The following CDYL2 variants were observed in gnomAD, a reference collection of about 807,000 sequenced individuals.
CDYL2 encodes chromodomain Y like 2, also known as chromodomain Y-like protein 2.
Under a neutral mutation model 49.4 loss-of-function variants are expected in CDYL2, and 23 were observed. That is an observed-to-expected ratio of 0.47 (90% confidence interval 0.34 to 0.66). The LOEUF (loss-of-function observed/expected upper bound fraction) is 0.66, where lower values mean the gene tolerates loss of function less well. Ranked by LOEUF, CDYL2 falls within the 30% of genes least tolerant of loss-of-function variation. The pLI is 0.01. For synonymous variants in CDYL2, 360 were observed against 268.8 expected, an observed-to-expected ratio of 1.34 and a Z score of -3.32; for missense variants, 678 against 656.4, an observed-to-expected ratio of 1.03 and a Z score of -0.36.
intron 3 of CDYL2, 135 bp downstream of exon 3, chr16:80,632,884 C>T (rs1367729471): frequency 6.3e-5 from 48 of 760,140 alleles, no homozygotes; most frequent in Non-Finnish European, 8.9e-5. Flanking sequence ...AAATTGCGCG[C>T]TGCAGTCAAG....
chr16:80,700,224 T>G (rs529806089), intron 1 of CDYL2, among the ~76,000 whole-genome samples: 1 of 152,246 alleles, frequency 6.6e-6, no homozygotes, highest in East Asian at 1.9e-4. Flanking sequence ...CCAGATAAAT[T>G]AGAAAGTTAA....
At chr16:80,626,254 G>C (rs1180721873) in intron 3 of CDYL2, among the ~76,000 whole-genome samples, 10 of 143,216 alleles carry the variant, frequency 7.0e-5, no homozygotes, top group Non-Finnish European at 3.0e-5. Context: ...TCCAACCTCG[G>C]TGACAGAATG....
At chr16:80,763,344 C>T (rs138022543) in intron 1 of CDYL2, among the ~76,000 whole-genome samples, 959 of 148,028 alleles carry the variant, frequency 6.5e-3, no homozygotes, top group Middle Eastern at 0.018. Context: ...GGTGAGGTGG[C>T]TCACACCTGT....
intron 1 of CDYL2, among the ~76,000 whole-genome samples, chr16:80,748,740 C>A (rs1048717565): frequency 7.9e-5 from 12 of 152,032 alleles, no homozygotes; most frequent in African/African-American, 2.7e-4. Flanking sequence ...CCACCAACAA[C>A]AACCTCATCC....
At chr16:80,683,509 T>A (rs541738632) in intron 2 of CDYL2, among the ~76,000 whole-genome samples, 1 of 152,172 alleles carries the variant, frequency 6.6e-6, no homozygotes. Flanking sequence ...AAGGAGGAAT[T>A]CCATAACCTA....
chr16:80,667,891 A>G (rs1909334320), intron 2 of CDYL2, among the ~76,000 whole-genome samples: 1 of 152,238 alleles, frequency 6.6e-6, no homozygotes, highest in African/African-American at 2.4e-5. Flanking sequence ...AGGCTGGGTC[A>G]TTTGTTCCAG....
rs542210071 is a variant in CDYL2, at chr16:80,734,135, T to C, written c.25-49006A>G. Among the ~76,000 whole-genome samples the C allele has an allele frequency of 2.0e-5, 3 of 152,304 alleles. No homozygotes were observed. The South Asian group carries it at 6.2e-4, about 32-fold the overall frequency. Reference sequence around the variant, plus strand: ...TTGGATGGGCATCTCATATCAGTTATCTTCTGATGGACTATATTAGGGAAT... The same window carrying C: ...TTGGATGGGCATCTCATATCAGTTACCTTCTGATGGACTATATTAGGGAAT... On this transcript the variant is annotated intron_variant, in intron 1 of 6. Transcript: ENST00000570137.
At chr16:80,741,781 C>T (rs1905744227) in intron 1 of CDYL2, among the ~76,000 whole-genome samples, 2 of 152,168 alleles carry the variant, frequency 1.3e-5, no homozygotes, top group Non-Finnish European at 2.9e-5. Context: ...AATCGCCCAG[C>T]ATTGGCAGAT....
chr16:80,608,062 G>C (rs1906422192), intron 6 of CDYL2, 30 bp downstream of exon 6: 1 of 1,540,124 alleles, frequency 6.5e-7, no homozygotes, highest in African/African-American at 1.4e-5. Context: ...CTATCAAAAG[G>C]ACAAGCACGC....
intron 1 of CDYL2, among the ~76,000 whole-genome samples, chr16:80,692,930 T>G (rs1334638410): frequency 6.6e-6 from 1 of 152,164 alleles, no homozygotes; most frequent in Admixed American, 6.5e-5. Context: ...GAAATCTAAG[T>G]ATTTTAACAG....
chr16:80,632,769 T>A lies in CDYL2; in HGVS notation c.834+250A>T, dbSNP rs138442372. ...CCCTTGGCTAAGTCTGTGTCCACGA[T>A]CAGTTCAGTGAGTCCCTCTCCCCAT... On this transcript the variant is annotated intron_variant, in intron 3 of 6. Coordinates refer to ENST00000570137, the MANE Select transcript of CDYL2 (RefSeq NM_152342.4). 2.9e-4 allele frequency: 132 copies of A among 452,506 alleles called. No individual in the cohort carries two copies. In the East Asian group the frequency reaches 5.0e-3, roughly 17 times the overall value. The allele number at this position is 452,506 out of a possible 1,614,324, so 28.0% of individuals were successfully genotyped here.
intron 2 of CDYL2, among the ~76,000 whole-genome samples, chr16:80,643,663 C>G (rs977985104): frequency 6.6e-6 from 1 of 152,256 alleles, no homozygotes; most frequent in Admixed American, 6.5e-5. Flanking sequence ...CTCAACACCA[C>G]ATGGAAGATG....
chr16:80,748,158 TAATAATAA>T (rs1905998758), intron 1 of CDYL2, among the ~76,000 whole-genome samples: 1 of 134,962 alleles, frequency 7.4e-6, no homozygotes, highest in Non-Finnish European at 1.5e-5. Flanking sequence ...ATAATAATAA[TAATAATAA>T]TATAAAGAAA....
At chr16:80,676,620 G>C (rs1250836634) in intron 2 of CDYL2, among the ~76,000 whole-genome samples, 1 of 152,174 alleles carries the variant, frequency 6.6e-6, no homozygotes, top group African/African-American at 2.4e-5. Context: ...TGAAACAGTC[G>C]TAGTTTTGAG....
chr16:80,734,513 G>A (rs1905447382), intron 1 of CDYL2, among the ~76,000 whole-genome samples: 1 of 152,098 alleles, frequency 6.6e-6, no homozygotes, highest in African/African-American at 2.4e-5. Flanking sequence ...AGGACATCTA[G>A]GTGGAAAGCA....
At chr16:80,761,848 C>T (rs781266700) in intron 1 of CDYL2, among the ~76,000 whole-genome samples, 3 of 143,684 alleles carry the variant, frequency 2.1e-5, no homozygotes, top group Non-Finnish European at 3.0e-5. Context: ...CATAAAATAA[C>T]ATGTGAATGT....
chr16:80,750,777 T>C (rs533277381), intron 1 of CDYL2, among the ~76,000 whole-genome samples: 1 of 152,322 alleles, frequency 6.6e-6, no homozygotes, highest in East Asian at 1.9e-4. Flanking sequence ...CCCAGCACTT[T>C]GGGAGGCCGA....
chr16:80,707,571 T>C (rs140874773), intron 1 of CDYL2, among the ~76,000 whole-genome samples: 20 of 152,340 alleles, frequency 1.3e-4, no homozygotes, highest in South Asian at 1.0e-3. Context: ...AATGCTCCAG[T>C]TGGGAACAGA....
At chr16:80,726,228 T>C (rs10514508) in intron 1 of CDYL2, among the ~76,000 whole-genome samples, 52,733 of 152,086 alleles carry the variant, frequency 0.35, 9,393 homozygotes, top group East Asian at 0.46. Context: ...CAAAGGGATT[T>C]GAGGAACATT....
Sources: allele counts gnomAD v4.1 joint callset (sites outside exome capture counted in the v4.1 genomes callset), GRCh38; gene constraint gnomAD v4.1.1; transcripts MANE v1.5; gene names NCBI Gene and HGNC (gene_info 2026-07-23, HGNC 2026-07-21).